IFIT1B: variants seen among roughly 807,000 people sequenced by gnomAD.
IFIT1B encodes the protein interferon induced protein with tetratricopeptide repeats 1B.
A neutral mutation model predicts 2.5 loss-of-function variants in IFIT1B; 3 were observed. The observed-to-expected ratio is 1.21, with a 90% CI of 0.55 to 3.14. The LOEUF (loss-of-function observed/expected upper bound fraction) is 3.14, where lower values mean the gene tolerates loss of function less well. Among genes scored for constraint, IFIT1B ranks in the 30% most tolerant of loss-of-function variants. IFIT1B has a pLI of 0.03. For synonymous variants in IFIT1B, 196 were observed against 203.0 expected, an observed-to-expected ratio of 0.97 and a Z score of 0.29; for missense variants, 545 against 556.5, an observed-to-expected ratio of 0.98 and a Z score of 0.21.
intron 1 of IFIT1B, among the ~76,000 whole-genome samples, chr10:89,381,850 A>G (rs928461096): frequency 1.3e-5 from 2 of 151,794 alleles, no homozygotes; most frequent in African/African-American, 4.8e-5. Flanking sequence ...CAGTGGCATG[A>G]TCTCGGTTCA....
intron 1 of IFIT1B, among the ~76,000 whole-genome samples, 179 bp from the exon 2 acceptor site, chr10:89,383,140 G>T (rs939600566): frequency 4.6e-5 from 7 of 152,128 alleles, no homozygotes; most frequent in African/African-American, 1.7e-4. Flanking sequence ...ATTTCCCCTT[G>T]GTTTTTATGT....
intron 1 of IFIT1B, among the ~76,000 whole-genome samples, chr10:89,382,671 G>T (rs1351050608): frequency 1.3e-5 from 2 of 152,206 alleles, no homozygotes; most frequent in Non-Finnish European, 2.9e-5. Context: ...CTCTTCTTCT[G>T]TCCCCATCAG....
rs559491497 is a variant in IFIT1B at position 89,380,158 on chromosome 10, C to T, written c.5+2018C>T. On this transcript the variant is annotated intron_variant, in intron 1 of 1. Transcript: ENST00000371809. ...GTGAGAGGTTTTGCAATGGCCTGGGCGTATGTTTCTAGAAGCCACTGACCT... is the reference window on the plus strand; with the variant it reads ...GTGAGAGGTTTTGCAATGGCCTGGGTGTATGTTTCTAGAAGCCACTGACCT... 1.3e-4 allele frequency among the ~76,000 whole-genome samples: 20 copies of T among 152,240 alleles called. No individual in the cohort carries two copies. In the East Asian group the frequency reaches 1.5e-3, roughly 12 times the overall value.
intron 1 of IFIT1B, among the ~76,000 whole-genome samples, chr10:89,380,103 C>CATT (rs1844152288): frequency 6.6e-6 from 1 of 151,910 alleles, no homozygotes; most frequent in African/African-American, 2.4e-5. Flanking sequence ...GCAAGCCTTT[C>CATT]ATTCCCTGCT....
At chr10:89,383,252 G>C in intron 1 of IFIT1B, 67 bp from the exon 2 acceptor site, 1 of 1,381,262 alleles carries the variant, frequency 7.2e-7, no homozygotes, top group Non-Finnish European at 1.0e-6. Flanking sequence ...TATTTGAAGT[G>C]CTGGCTTCAT....
chr10:89,384,571 A>C lies in IFIT1B; in HGVS notation c.1258A>C (p.Asn420His). ...KMSHSREKLL[N>H]ALEKLAKRCI... The stretch of plus-strand genomic sequence containing the variant: ...GTCCCATTCCAGGGAAAAACTTCTC[A>C]ATGCTTTAGAGAAATTGGCTAAAAG... Residue 420 changes from asparagine to histidine, a missense_variant, in exon 2 of 2, where the codon AAT (asparagine) becomes CAT (histidine). Transcript: ENST00000371809. 3 of 1,614,186 alleles carry C rather than the reference A, an allele frequency of 1.9e-6. No homozygotes were observed. The East Asian group carries it at 6.7e-5, about 36-fold the overall frequency.
rs140019421 is a variant in IFIT1B, at chr10:89,379,049, A to T, written c.5+909A>T. On this transcript the variant is annotated intron_variant, in intron 1 of 1. Transcript: ENST00000371809. ...TCTTTTAGGCATCCAGGTGAGAAGA[A>T]GCAGCTATTTTTATTTGATAAATTG... Among the ~76,000 whole-genome samples the T allele has an allele frequency of 3.3e-4, 51 of 152,356 alleles. 4 individuals are homozygous for T. The East Asian group carries it at 9.6e-3, about 29-fold the overall frequency.
intron 1 of IFIT1B, 116 bp downstream of exon 1, chr10:89,378,256 G>A: frequency 2.9e-6 from 3 of 1,020,646 alleles, no homozygotes; most frequent in Non-Finnish European, 3.1e-6. Context: ...CCCACTGGTG[G>A]TTCTGACCCT....
Position 89,383,836 on chromosome 10 carries a change from C to T in IFIT1B, c.523C>T (p.Pro175Ser), listed in dbSNP as rs754551476. The T allele has an allele frequency of 3.7e-6, 6 of 1,614,174 alleles. No homozygotes were observed. Among genetic ancestry groups the T allele is most frequent in the South Asian group, 1.1e-5 (1 of 91,086 alleles). ...EKALEGNPEN[P>S]EFNTGYAITV... is the part of the protein sequence containing the mutation. ...GGCTCTGGAAGGGAACCCTGAAAACCCTGAATTCAATACTGGGTACGCAAT... is the reference window on the plus strand; with the variant it reads ...GGCTCTGGAAGGGAACCCTGAAAACTCTGAATTCAATACTGGGTACGCAAT... The change falls in exon 2 of 2, where the codon CCT becomes TCT. Residue 175 changes from proline (P) to serine (S), a missense_variant. Physicochemically the swap from Pro to Ser is moderately conservative, Grantham distance 74. Transcript: ENST00000371809.
chr10:89,381,039 C>T (rs756759733), intron 1 of IFIT1B, among the ~76,000 whole-genome samples: 1 of 152,142 alleles, frequency 6.6e-6, no homozygotes, highest in Non-Finnish European at 1.5e-5. Context: ...CTTTTTTCCA[C>T]CTATCAATGC....
chr10:89,384,249 G>A lies in IFIT1B; in HGVS notation c.936G>A (p.Gly312=). The part of the protein sequence containing the change: ...IKEATNWQPR[G]QDRETVDRLV... The stretch of plus-strand genomic sequence containing the variant: ...AAGCTACAAACTGGCAGCCTAGAGG[G>A]CAAGATAGGGAAACTGTGGACAGAT... The change falls in exon 2 of 2, where the codon GGG becomes GGA. Residue 312 remains glycine, a synonymous_variant. Coordinates refer to ENST00000371809, the MANE Select transcript of IFIT1B (RefSeq NM_001010987.2). 1 of 1,614,194 alleles carries A rather than the reference G, an allele frequency of 6.2e-7. No individual in the cohort carries two copies. Among genetic ancestry groups the A allele is most frequent in the Middle Eastern group, 1.6e-4 (1 of 6,062 alleles).
At chr10:89,380,075 C>T (rs1844151864) in intron 1 of IFIT1B, among the ~76,000 whole-genome samples, 2 of 151,900 alleles carry the variant, frequency 1.3e-5, no homozygotes, top group Non-Finnish European at 2.9e-5. Flanking sequence ...GTGTCTGCAT[C>T]TGTGGAGTTG....
chr10:89,384,683 T>C lies in IFIT1B; in HGVS notation c.1370T>C (p.Leu457Ser), dbSNP rs779839288. Residue 457 changes from leucine (L) to serine (S), a missense_variant, in exon 2 of 2, where the codon TTG becomes TCG. Transcript: ENST00000371809. ...TTGAAAGGAGAAGTAAGTGATGCTT[T>C]GCTGTGCTATGAGAGGGCTCTGAGG... is the stretch of plus-strand genomic sequence containing the variant. ...HKLKGEVSDALLCYERALRLA... is the reference protein window; with the variant it reads ...HKLKGEVSDASLCYERALRLA... 2 of 1,614,236 alleles carry C rather than the reference T, an allele frequency of 1.2e-6. No individual in the cohort carries two copies. The highest frequency in any genetic ancestry group is 1.7e-6 in the Non-Finnish European group (2 of 1,180,038).
At chr10:89,381,192 C>T (rs1844160402) in intron 1 of IFIT1B, among the ~76,000 whole-genome samples, 1 of 152,142 alleles carries the variant, frequency 6.6e-6, no homozygotes, top group Non-Finnish European at 1.5e-5. Flanking sequence ...ATTCCAGCAG[C>T]TCTAGAGTAA....
At position 89,384,204 on chromosome 10, in the gene IFIT1B, AC is replaced by A; in HGVS notation, c.892del (p.Gln298LysfsTer2). On this transcript the variant is annotated frameshift_variant, in exon 2 of 2. Coordinates refer to ENST00000371809, the MANE Select transcript of IFIT1B (RefSeq NM_001010987.2). LOFTEE classifies it low-confidence loss of function (END_TRUNC). ...HHQMGLCYRAQMIQIKEATNW... is the reference protein window; with the variant it reads ...HHQMGLCYRAXMIQIKEATNW... ...ACCAAATGGGGCTTTGCTACAGGGC[AC>A]AAATGATCCAAATCAAGGAAGCTAC... is the stretch of plus-strand genomic sequence containing the variant. The A allele has an allele frequency of 1.9e-6, 3 of 1,614,204 alleles. No individual in the cohort carries two copies. The highest frequency in any genetic ancestry group is 2.5e-6 in the Non-Finnish European group (3 of 1,180,014).
intron 1 of IFIT1B, among the ~76,000 whole-genome samples, chr10:89,382,829 A>G (rs304493): frequency 0.35 from 53,399 of 152,136 alleles, 11,553 homozygotes; most frequent in East Asian, 0.62. Flanking sequence ...ATTTGAAACC[A>G]TATTTGGCTC....
intron 1 of IFIT1B, among the ~76,000 whole-genome samples, chr10:89,381,266 G>A (rs1038798028): frequency 6.6e-5 from 10 of 152,100 alleles, no homozygotes; most frequent in African/African-American, 1.9e-4. Flanking sequence ...CAAGCTCCAC[G>A]GGGCATGAGT....
chr10:89,383,757 C>G lies in IFIT1B; in HGVS notation c.444C>G (p.Ala148=). ...CPEVDCEEGW[A]LAKCGGKNYE... ...AGGTGGACTGTGAGGAAGGATGGGC[C>G]TTGGCGAAGTGTGGTGGAAAGAATT... The change falls in exon 2 of 2, where the codon GCC becomes GCG. Residue 148 remains alanine (A), a synonymous_variant. Transcript: ENST00000371809. 6.2e-7 allele frequency: 1 copy of G among 1,614,176 alleles called. No homozygotes were observed. Among genetic ancestry groups the G allele is most frequent in the Non-Finnish European group, 8.5e-7 (1 of 1,180,040 alleles).
intron 1 of IFIT1B, among the ~76,000 whole-genome samples, chr10:89,381,399 A>G (rs1256547711): frequency 6.6e-6 from 1 of 152,068 alleles, no homozygotes; most frequent in Non-Finnish European, 1.5e-5. Context: ...CACCCAGCAT[A>G]TGTCCCACAC....
Sources: allele counts gnomAD v4.1 joint callset (sites outside exome capture counted in the v4.1 genomes callset), GRCh38; gene constraint gnomAD v4.1.1; transcripts MANE v1.5; gene names NCBI Gene and HGNC (gene_info 2026-07-23, HGNC 2026-07-21).